HS3ST5: variants seen among roughly 807,000 people sequenced by gnomAD.
HS3ST5 encodes heparan sulfate glucosamine 3-O-sulfotransferase 5.
HS3ST5 carries 10 observed loss-of-function variants against 25.4 expected under a neutral mutation model. The observed-to-expected ratio is 0.39, with a 90% CI of 0.24 to 0.67. The LOEUF (loss-of-function observed/expected upper bound fraction) is 0.67. Ranked by LOEUF, HS3ST5 falls within the 30% of genes least tolerant of loss-of-function variation. The pLI, the probability that HS3ST5 is intolerant of heterozygous loss-of-function variation, is 0.44. For missense variants in HS3ST5, 324 were observed against 420.7 expected (o/e 0.77, Z 2.01); for synonymous variants, 170 against 162.4 (o/e 1.05, Z -0.36).
At chr6:114,269,660 A>G (rs770342274) in intron 1 of HS3ST5, among the ~76,000 whole-genome samples, 1 of 152,200 alleles carries the variant, frequency 6.6e-6, no homozygotes, top group Non-Finnish European at 1.5e-5. Context: ...AGGAGATTAA[A>G]TAATAATGAA....
chr6:114,301,821 T>G (rs1277964276), intron 1 of HS3ST5, among the ~76,000 whole-genome samples: 1 of 152,106 alleles, frequency 6.6e-6, no homozygotes, highest in Non-Finnish European at 1.5e-5. Flanking sequence ...GCCTGCCACA[T>G]GCCACCATCC....
chr6:114,205,041 C>T (rs777836870), intron 2 of HS3ST5, among the ~76,000 whole-genome samples: 1 of 152,102 alleles, frequency 6.6e-6, no homozygotes, highest in Non-Finnish European at 1.5e-5. Context: ...TGAACACTGC[C>T]GTTTGTTTTT....
At chr6:114,307,578 G>A (rs1775350692) in intron 1 of HS3ST5, among the ~76,000 whole-genome samples, 1 of 151,972 alleles carries the variant, frequency 6.6e-6, no homozygotes, top group African/African-American at 2.4e-5. Flanking sequence ...ATATTGAAGT[G>A]TGTATAAAGT....
intron 2 of HS3ST5, among the ~76,000 whole-genome samples, chr6:114,206,850 T>C (rs1179695771): frequency 6.6e-5 from 10 of 152,190 alleles, no homozygotes; most frequent in Admixed American, 6.5e-4. Context: ...TGGAGTTGCA[T>C]ACATAGATTA....
At chr6:114,246,966 C>T (rs753937175) in intron 1 of HS3ST5, among the ~76,000 whole-genome samples, 4 of 152,158 alleles carry the variant, frequency 2.6e-5, no homozygotes, top group African/African-American at 7.2e-5. Context: ...TCATTTATTA[C>T]GGTAACAGGA....
intron 2 of HS3ST5, among the ~76,000 whole-genome samples, chr6:114,207,325 G>A (rs1781315501): frequency 6.6e-6 from 1 of 152,084 alleles, no homozygotes; most frequent in Non-Finnish European, 1.5e-5. Flanking sequence ...CAAGTCAGGT[G>A]GTTTTCAACA....
chr6:114,060,866 T>C (rs927646679), intron 4 of HS3ST5, among the ~76,000 whole-genome samples: 6 of 152,182 alleles, frequency 3.9e-5, no homozygotes, highest in African/African-American at 1.2e-4. Context: ...GAAAATATCA[T>C]ATTCTTTCCC....
chr6:114,071,982 T>A (rs1773853433), intron 3 of HS3ST5, among the ~76,000 whole-genome samples: 1 of 152,172 alleles, frequency 6.6e-6, no homozygotes, highest in Non-Finnish European at 1.5e-5. Context: ...CAGTGGGCAT[T>A]CTTGTCTCAA....
At chr6:114,256,395 A>C (rs1036935534) in intron 1 of HS3ST5, among the ~76,000 whole-genome samples, 2 of 150,520 alleles carry the variant, frequency 1.3e-5, no homozygotes, top group African/African-American at 4.8e-5. Context: ...CTCAAAAAAA[A>C]AAAACAAAAA....
intron 1 of HS3ST5, among the ~76,000 whole-genome samples, chr6:114,240,285 G>A (rs1451106214): frequency 1.3e-5 from 2 of 152,122 alleles, no homozygotes; most frequent in East Asian, 1.9e-4. Flanking sequence ...TATTACAGCT[G>A]CTTTTCATTC....
chr6:114,157,293 C>T (rs1037950069), intron 3 of HS3ST5, among the ~76,000 whole-genome samples: 8 of 152,204 alleles, frequency 5.3e-5, no homozygotes, highest in Non-Finnish European at 7.3e-5. Flanking sequence ...AACTGGTCTT[C>T]CTGCCTCCTG....
chr6:114,279,684 T>C (rs905856800), intron 1 of HS3ST5, among the ~76,000 whole-genome samples: 2 of 151,950 alleles, frequency 1.3e-5, no homozygotes, highest in Non-Finnish European at 2.9e-5. Flanking sequence ...GGATTTACCT[T>C]GAAAGGAAGG....
chr6:114,261,674 T>G lies in HS3ST5; in HGVS notation c.-338-32896A>C, dbSNP rs1262546010. 2.6e-5 allele frequency among the ~76,000 whole-genome samples: 4 copies of G among 152,226 alleles called. No individual in the cohort carries two copies. The East Asian group carries it at 7.7e-4, about 29-fold the overall frequency. On this transcript the variant is annotated intron_variant, in intron 1 of 4. Coordinates refer to ENST00000312719, the MANE Select transcript of HS3ST5 (RefSeq NM_153612.4). ...TTCCCCAAATCCATTTACAGTATAG[T>G]TTATTGCTAAATGAGTGTAAATTCT...
intron 3 of HS3ST5, among the ~76,000 whole-genome samples, chr6:114,160,748 CTGT>C (rs1258864823): frequency 6.6e-6 from 1 of 151,960 alleles, no homozygotes; most frequent in Admixed American, 6.6e-5. Flanking sequence ...ATAAAATTAC[CTGT>C]TATTAAAAAC....
rs559184063 is a variant in HS3ST5 at position 114,056,229 on chromosome 6, G to A, written c.*1028C>T. The A allele has an allele frequency of 2.7e-4, 41 of 152,288 alleles. 1 individual carries two copies. The highest frequency in any genetic ancestry group is 2.6e-3 in the Admixed American group (40 of 15,300). The allele number at this position is 152,288 out of a possible 1,614,324, so 9.4% of individuals were successfully genotyped here. ...TTAATTGTTACAAAGTTGTAGCAGA[G>A]CAGCACTAGGGTTCTTTGAGGTGGC... On this transcript the variant is annotated 3_prime_UTR_variant, in exon 5 of 5. Coordinates refer to ENST00000312719, the MANE Select transcript of HS3ST5 (RefSeq NM_153612.4).
At chr6:114,168,157 G>A (rs6908717) in intron 3 of HS3ST5, among the ~76,000 whole-genome samples, 194 bp downstream of exon 3, 49,755 of 151,916 alleles carry the variant, frequency 0.33, 8,732 homozygotes, top group African/African-American at 0.45. Flanking sequence ...GCAATACTGA[G>A]GCAGGAAGCA....
intron 3 of HS3ST5, among the ~76,000 whole-genome samples, chr6:114,090,834 C>T (rs115661017): frequency 8.5e-5 from 13 of 152,296 alleles, no homozygotes; most frequent in African/African-American, 2.4e-4. Flanking sequence ...TGGACGGTGA[C>T]GTGAATTTTG....
At chr6:114,133,548 G>C (rs1266944837) in intron 3 of HS3ST5, among the ~76,000 whole-genome samples, 2 of 152,198 alleles carry the variant, frequency 1.3e-5, no homozygotes, top group Admixed American at 6.5e-5. Context: ...AGGCTAAGAG[G>C]AGGGGACTAG....
intron 3 of HS3ST5, among the ~76,000 whole-genome samples, chr6:114,068,975 G>A (rs954759521): frequency 6.6e-6 from 1 of 152,112 alleles, no homozygotes; most frequent in African/African-American, 2.4e-5. Context: ...ACATCTGGCT[G>A]TTTCTCTATA....
Sources: gnomAD v4.1 joint callset for allele counts (sites outside exome capture counted in the v4.1 genomes callset) on GRCh38, gnomAD v4.1.1 for gene constraint, MANE v1.5 for transcripts, NCBI Gene and HGNC (gene_info 2026-07-23, HGNC 2026-07-21) for gene names.